The following RICTOR variants were observed in gnomAD, a reference collection of about 807,000 sequenced individuals.
RICTOR encodes RPTOR independent companion of MTOR complex 2.
A neutral mutation model predicts 214.9 loss-of-function variants in RICTOR; 49 were observed. That is an observed-to-expected ratio of 0.23 (90% CI 0.18 to 0.29). The LOEUF (loss-of-function observed/expected upper bound fraction) is 0.29. RICTOR is among the 10% of genes least tolerant of loss of function. RICTOR has a pLI of 1.00. For missense variants in RICTOR, 1,625 were observed against 2,047.0 expected, an observed-to-expected ratio of 0.79 and a Z score of 3.98; for synonymous variants, 717 against 711.3, an observed-to-expected ratio of 1.01 and a Z score of -0.13.
intron 3 of RICTOR, among the ~76,000 whole-genome samples, chr5:39,018,627 C>A (rs544048643): frequency 4.6e-5 from 7 of 152,082 alleles, no homozygotes; most frequent in Non-Finnish European, 2.9e-5. Flanking sequence ...TATGGGGCAC[C>A]ATGAACTGGA....
At chr5:38,965,624 C>CA (rs1750149443) in intron 15 of RICTOR, among the ~76,000 whole-genome samples, 1 of 151,844 alleles carries the variant, frequency 6.6e-6, no homozygotes, top group Non-Finnish European at 1.5e-5. Flanking sequence ...AATTAAAAGA[C>CA]AAATAATCAG....
intron 24 of RICTOR, among the ~76,000 whole-genome samples, 196 bp from the exon 25 acceptor site, chr5:38,957,926 C>G (rs538601635): frequency 6.6e-6 from 1 of 152,084 alleles, no homozygotes; most frequent in African/African-American, 2.4e-5. Flanking sequence ...TGCAACAACA[C>G]GCGAACCCAA....
intron 2 of RICTOR, among the ~76,000 whole-genome samples, chr5:39,057,490 C>T (rs759276591): frequency 6.6e-6 from 1 of 152,142 alleles, no homozygotes; most frequent in East Asian, 1.9e-4. Flanking sequence ...TGGTTTACTG[C>T]ACTACTTCAG....
rs61748208 is a variant in RICTOR at position 38,950,379 on chromosome 5, A to G, written c.3469T>C (p.Leu1157=). The change falls in exon 31 of 38, where the codon TTA becomes CTA. Residue 1157 remains leucine, a synonymous_variant. Coordinates refer to ENST00000357387, the MANE Select transcript of RICTOR (RefSeq NM_152756.5). ...CCCATAAATGAAGTCTCTAATTGTA[A>G]TGTTTTCTGTACAGTGGATATGGGT... The part of the protein sequence containing the change: ...FTPISTVQKT[L]QLETSFMGNK... 16 of 1,613,202 alleles carry G rather than the reference A, an allele frequency of 9.9e-6. No homozygotes were observed. Among genetic ancestry groups the G allele is most frequent in the African/African-American group, 1.3e-5 (1 of 74,796 alleles).
At chr5:39,039,489 T>A (rs919669868) in intron 2 of RICTOR, among the ~76,000 whole-genome samples, 1 of 152,062 alleles carries the variant, frequency 6.6e-6, no homozygotes, top group Non-Finnish European at 1.5e-5. Flanking sequence ...ACTAAAGAGC[T>A]TCTGCACAGC....
At chr5:38,978,533 T>C (rs2150054608) in intron 9 of RICTOR, 50 bp downstream of exon 9, 1 of 876,652 alleles carries the variant, frequency 1.1e-6, no homozygotes, top group East Asian at 2.6e-5. Context: ...AAAGCTTTAG[T>C]ATTAACATAT....
rs1424871617 is a variant in RICTOR, at chr5:38,941,373, T to C, written c.*931A>G. On this transcript the variant is annotated 3_prime_UTR_variant, in exon 38 of 38. Transcript: ENST00000357387. ...CTTCTTTCCCCATGGAATGTGTAAA[T>C]TGCAAGCAAACTTATCTTTTCCTCA... 4.3e-6 allele frequency: 1 copy of C among 231,776 alleles called. No homozygotes were observed. The highest frequency in any genetic ancestry group is 8.5e-6 in the Non-Finnish European group (1 of 117,000). 14.4% of individuals were successfully genotyped at this position (231,776 alleles called of 1,614,324 possible). A position where few individuals can be genotyped will look rare whatever the true frequency, so the allele number is the denominator to read the frequency against.
At position 38,953,098 on chromosome 5, in the gene RICTOR, G is replaced by C. The variant is rs766839159; in HGVS notation, c.2791-7C>G. On this transcript the variant is annotated splice_polypyrimidine_tract_variant and splice_region_variant and intron_variant, in intron 28 of 37. Coordinates refer to ENST00000357387, the MANE Select transcript of RICTOR (RefSeq NM_152756.5). Reference sequence around the variant, plus strand: ...TTGATGAGCCGATATTTCCCTGAAAGAAAAGAAATCACTTACATCAAATAT... The same window carrying C: ...TTGATGAGCCGATATTTCCCTGAAACAAAAGAAATCACTTACATCAAATAT... The C allele has an allele frequency of 6.4e-7, 1 of 1,561,992 alleles. No homozygotes were observed. The highest frequency in any genetic ancestry group is 8.8e-7 in the Non-Finnish European group (1 of 1,135,584).
intron 28 of RICTOR, among the ~76,000 whole-genome samples, 169 bp downstream of exon 28, chr5:38,953,292 C>CTATT (rs1258714425): frequency 6.6e-6 from 1 of 151,820 alleles, no homozygotes; most frequent in Non-Finnish European, 1.5e-5. Context: ...GTTCAACCAT[C>CTATT]TATTCTTCAA....
chr5:39,069,291 TATC>T (rs1345054321), intron 2 of RICTOR, among the ~76,000 whole-genome samples: 1 of 152,200 alleles, frequency 6.6e-6, no homozygotes, highest in Non-Finnish European at 1.5e-5. Context: ...ATATTGTCGT[TATC>T]ATTCCATATC....
At chr5:38,987,506 T>C in intron 7 of RICTOR, among the ~76,000 whole-genome samples, 1 of 152,204 alleles carries the variant, frequency 6.6e-6, no homozygotes, top group East Asian at 1.9e-4. Flanking sequence ...CGTAGAGGTG[T>C]TTATAGTATT....
chr5:38,969,617 C>G (rs1232306084), intron 11 of RICTOR: 4 of 151,780 alleles, frequency 2.6e-5, no homozygotes, highest in Admixed American at 6.6e-5. Flanking sequence ...ACTATTAGTC[C>G]CATAAGCTCC....
chr5:39,049,012 ACT>A (rs1580188752), intron 2 of RICTOR, among the ~76,000 whole-genome samples: 1 of 152,160 alleles, frequency 6.6e-6, no homozygotes, highest in Non-Finnish European at 1.5e-5. Context: ...CTCTGCTGAG[ACT>A]CTGAAGCCAC....
intron 12 of RICTOR, 140 bp from the exon 13 acceptor site, chr5:38,967,567 CA>C: frequency 1.6e-6 from 1 of 632,940 alleles, no homozygotes; most frequent in Non-Finnish European, 2.7e-6. Flanking sequence ...AAGATACAGA[CA>C]AAAATTAGTT....
At chr5:39,068,968 C>A (rs1759104185) in intron 2 of RICTOR, among the ~76,000 whole-genome samples, 1 of 152,046 alleles carries the variant, frequency 6.6e-6, no homozygotes, top group African/African-American at 2.4e-5. Context: ...GAGTTTTAGC[C>A]CTTTAAAATT....
intron 3 of RICTOR, among the ~76,000 whole-genome samples, chr5:39,019,582 A>C (rs1355297601): frequency 1.3e-5 from 2 of 152,184 alleles, no homozygotes; most frequent in Non-Finnish European, 2.9e-5. Flanking sequence ...CATACTGTTG[A>C]GAAAACAGTA....
chr5:38,972,106 A>C lies in RICTOR; in HGVS notation c.890-147T>G, dbSNP rs887060424. 5.5e-5 allele frequency: 29 copies of C among 527,228 alleles called. No homozygotes were observed. In the South Asian group the frequency reaches 8.4e-4, roughly 15 times the overall value. 32.7% of individuals were successfully genotyped at this position (527,228 alleles called of 1,614,324 possible). A position where few individuals can be genotyped will look rare whatever the true frequency, so the allele number is the denominator to read the frequency against. The stretch of plus-strand genomic sequence containing the variant: ...TGGTCATCATAAGAACTATTATATA[A>C]CTGAAATATATTTGAAGCATACTCT... On this transcript the variant is annotated intron_variant, in intron 10 of 37. Transcript: ENST00000357387.
intron 2 of RICTOR, among the ~76,000 whole-genome samples, chr5:39,062,939 A>G (rs919060308): frequency 1.3e-5 from 2 of 152,178 alleles, no homozygotes; most frequent in Non-Finnish European, 2.9e-5. Context: ...CATTTCAAAT[A>G]TTCTGACTGT....
chr5:39,040,741 T>C (rs1238055791), intron 2 of RICTOR, among the ~76,000 whole-genome samples: 2 of 152,254 alleles, frequency 1.3e-5, no homozygotes, highest in South Asian at 2.1e-4. Flanking sequence ...AGTTATGATC[T>C]GACCTAGGAA....
Sources: gnomAD v4.1 joint callset for allele counts (sites outside exome capture counted in the v4.1 genomes callset) on GRCh38, gnomAD v4.1.1 for gene constraint, MANE v1.5 for transcripts, NCBI Gene and HGNC (gene_info 2026-07-23, HGNC 2026-07-21) for gene names.